ZNF248: variants seen among roughly 807,000 people sequenced by gnomAD.
ZNF248 encodes the protein KRAB protein domain.
ZNF248 carries 20 observed loss-of-function variants against 44.3 expected under a neutral mutation model. The observed-to-expected ratio is 0.45, with a 90% confidence interval of 0.32 to 0.66. The LOEUF (loss-of-function observed/expected upper bound fraction) is 0.66. Among genes scored for constraint, ZNF248 ranks in the 30% least tolerant of loss-of-function variants. ZNF248 has a pLI of 0.04. For synonymous variants in ZNF248, 224 were observed against 229.0 expected, an observed-to-expected ratio of 0.98 and a Z score of 0.20; for missense variants, 654 against 677.0, an observed-to-expected ratio of 0.97 and a Z score of 0.38.
intron 1 of ZNF248, 164 bp from the exon 2 acceptor site, chr10:37,856,696 G>A: frequency 1.0e-6 from 1 of 998,130 alleles, no homozygotes; most frequent in Non-Finnish European, 1.2e-6. Flanking sequence ...AATGCCCTGA[G>A]GTTAGATAAT....
At chr10:37,804,631 C>A (rs569366877) in intron 6 of ZNF248, among the ~76,000 whole-genome samples, 1 of 152,142 alleles carries the variant, frequency 6.6e-6, no homozygotes. Context: ...GAGACAAGGT[C>A]TTGCCATGTT....
intron 6 of ZNF248, among the ~76,000 whole-genome samples, chr10:37,790,708 CTAAATAAA>C (rs149151524): frequency 3.4e-5 from 5 of 147,592 alleles, no homozygotes; most frequent in Admixed American, 6.8e-5. Context: ...GGCTCCGTCT[CTAAATAAA>C]TAAATAAATA....
At chr10:37,820,639 T>C in intron 6 of ZNF248, 1 of 1,530,658 alleles carries the variant, frequency 6.5e-7, no homozygotes, top group Non-Finnish European at 9.0e-7. Context: ...TAGTTTCATG[T>C]GGTTCGGCTT....
chr10:37,809,301 G>A (rs547308280), intron 6 of ZNF248, among the ~76,000 whole-genome samples: 7 of 148,068 alleles, frequency 4.7e-5, no homozygotes, highest in Non-Finnish European at 7.5e-5. Context: ...TTTTTGAGAC[G>A]GAGTCTAGTT....
downstream of ZNF248, among the ~76,000 whole-genome samples, chr10:37,827,404 A>G (rs558053222): frequency 1.2e-4 from 19 of 152,308 alleles, no homozygotes; most frequent in South Asian, 3.7e-3. Context: ...TGGCCATACC[A>G]AAGTATGGAC....
At chr10:37,776,856 C>A (rs976459158) in intron 6 of ZNF248, among the ~76,000 whole-genome samples, 1 of 152,138 alleles carries the variant, frequency 6.6e-6, no homozygotes, top group Non-Finnish European at 1.5e-5. Context: ...GCCATGTGAC[C>A]TTCACCATTT....
chr10:37,824,351 A>G (rs989296798), downstream of ZNF248, among the ~76,000 whole-genome samples: 2 of 152,136 alleles, frequency 1.3e-5, no homozygotes, highest in Non-Finnish European at 2.9e-5. Context: ...ATCTCATCCA[A>G]TACCCCCTCA....
chr10:37,785,476 G>A (rs2047778503), intron 6 of ZNF248, among the ~76,000 whole-genome samples: 2 of 152,148 alleles, frequency 1.3e-5, no homozygotes, highest in Admixed American at 1.3e-4. Context: ...GCCTGAACAG[G>A]TCTCAGCAAC....
intron 6 of ZNF248, chr10:37,784,270 G>C (rs1420372897): frequency 1.3e-5 from 2 of 152,282 alleles, no homozygotes; most frequent in African/African-American, 2.4e-5. Flanking sequence ...CCAGATGTTA[G>C]AGTCCTCATC....
rs372167218 is a variant in ZNF248, at chr10:37,853,181, C to T, written c.15+3115G>A. Among the ~76,000 whole-genome samples, 33 of 152,078 alleles carry T rather than the reference C, an allele frequency of 2.2e-4. No homozygotes were observed. In the East Asian group the frequency reaches 6.0e-3, roughly 28 times the overall value. On this transcript the variant is annotated intron_variant, in intron 3 of 5. Transcript: ENST00000395867. The stretch of plus-strand genomic sequence containing the variant: ...TTTTTAAAATGACAAGGATATCATA[C>T]CTCAGAACCAACCCCTGCCAAAATA...
At chr10:37,823,358 AAAAAGC>A in intron 6 of ZNF248, among the ~76,000 whole-genome samples, 1 of 149,964 alleles carries the variant, frequency 6.7e-6, no homozygotes, top group Admixed American at 6.6e-5. Context: ...AAAAAAAAAA[AAAAAGC>A]AAATAACAAC....
chr10:37,784,182 G>T (rs747382725), intron 6 of ZNF248: 1 of 152,254 alleles, frequency 6.6e-6, no homozygotes, highest in Non-Finnish European at 1.5e-5. Context: ...TTAGAACTTT[G>T]GAATGTTTAG....
the ZNF248 span, among the ~76,000 whole-genome samples, chr10:37,770,635 A>G: frequency 0.11 from 16,550 of 152,276 alleles, 1,155 homozygotes; most frequent in Admixed American, 0.19. Context: ...GATGGATTAA[A>G]GACTTACATG....
chr10:37,812,428 G>T (rs941850816), intron 6 of ZNF248, among the ~76,000 whole-genome samples: 30 of 152,142 alleles, frequency 2.0e-4, no homozygotes, highest in African/African-American at 7.0e-4. Context: ...ATGCAGCTGG[G>T]TTTATGATTA....
chr10:37,762,960 G>C, the ZNF248 span, among the ~76,000 whole-genome samples: 1 of 152,154 alleles, frequency 6.6e-6, no homozygotes, highest in South Asian at 2.1e-4. Context: ...AAAAATGTGT[G>C]TCTAACAAAA....
At chr10:37,847,676 T>C (rs2059546966) in intron 3 of ZNF248, among the ~76,000 whole-genome samples, 1 of 152,204 alleles carries the variant, frequency 6.6e-6, no homozygotes, top group African/African-American at 2.4e-5. Flanking sequence ...AAAATTTTCA[T>C]ATTAAAAGTT....
chr10:37,818,274 C>T (rs1228504534), intron 6 of ZNF248, among the ~76,000 whole-genome samples: 2 of 152,120 alleles, frequency 1.3e-5, no homozygotes, highest in Non-Finnish European at 2.9e-5. Context: ...CAGGAACCCC[C>T]GTGAGTCTGC....
At chr10:37,782,864 C>T (rs2132922288) in intron 6 of ZNF248, among the ~76,000 whole-genome samples, 1 of 152,246 alleles carries the variant, frequency 6.6e-6, no homozygotes, top group African/African-American at 2.4e-5. Context: ...TACACTCTAG[C>T]CTCCAGAACT....
chr10:37,780,846 G>T (rs113616744), intron 6 of ZNF248, among the ~76,000 whole-genome samples: 1 of 152,140 alleles, frequency 6.6e-6, no homozygotes, highest in African/African-American at 2.4e-5. Flanking sequence ...TGTCACACTC[G>T]GGCTGAATCC....
Sources: allele counts gnomAD v4.1 joint callset (sites outside exome capture counted in the v4.1 genomes callset), GRCh38; gene constraint gnomAD v4.1.1; transcripts MANE v1.5; gene names NCBI Gene and HGNC (gene_info 2026-07-23, HGNC 2026-07-21).